The following SPATA3 variants were observed in gnomAD, a reference collection of about 807,000 sequenced individuals.
SPATA3 encodes spermatogenesis-associated protein 3.
SPATA3 carries 6 observed loss-of-function variants against 5.7 expected under a neutral mutation model. The ratio of observed to expected loss-of-function variants is 1.06; its 90% CI spans 0.58 to 2.09. SPATA3 has a LOEUF of 2.09. Among genes scored for constraint, SPATA3 ranks in the 30% most tolerant of loss-of-function variants. SPATA3 has a pLI of 0.00. For missense variants in SPATA3, 155 were observed against 130.4 expected, an observed-to-expected ratio of 1.19 and a Z score of -0.92; for synonymous variants, 44 against 48.4, an observed-to-expected ratio of 0.91 and a Z score of 0.37.
downstream of SPATA3, among the ~76,000 whole-genome samples, chr2:231,004,735 C>G (rs1009733307): frequency 2.6e-5 from 4 of 152,080 alleles, no homozygotes; most frequent in Admixed American, 6.5e-5. Flanking sequence ...TCTTCAATAC[C>G]CAGTATTTCT....
chr2:231,005,950 G>A (rs1319463166), downstream of SPATA3, among the ~76,000 whole-genome samples: 2 of 149,148 alleles, frequency 1.3e-5, no homozygotes, highest in Non-Finnish European at 3.0e-5. Flanking sequence ...GATAACTTGA[G>A]CCTGGGAGTT....
chr2:231,000,380 GC>G lies in SPATA3; in HGVS notation c.807del (p.Gly270AlafsTer?), dbSNP rs1368890600. ...TGTCCCCACAGGGCCTCTGATTCGC[GC>G]CGGCCCGCATTCCTGCTCCTGTGCC... On this transcript the variant is annotated frameshift_variant, in exon 2 of 3. Coordinates refer to ENST00000645363, the Ensembl canonical transcript of SPATA3. LOFTEE classifies it high-confidence loss of function. 1 of 1,515,090 alleles carries G rather than the reference GC, an allele frequency of 6.6e-7. No homozygotes were observed. The highest frequency in any genetic ancestry group is 2.1e-5 in the Admixed American group (1 of 47,578). 93.9% of individuals were successfully genotyped at this position (1,515,090 alleles called of 1,614,324 possible). A position where few individuals can be genotyped will look rare whatever the true frequency, so the allele number is the denominator to read the frequency against.
intron 2 of SPATA3, among the ~76,000 whole-genome samples, chr2:231,002,056 C>G (rs1265625650): frequency 6.6e-6 from 1 of 152,178 alleles, no homozygotes; most frequent in Non-Finnish European, 1.5e-5. Context: ...GAGACAGGGT[C>G]CATATCTGGC....
chr2:231,000,698 G>T (rs1283157144), intron 2 of SPATA3, among the ~76,000 whole-genome samples, 161 bp downstream of exon 2: 1 of 152,192 alleles, frequency 6.6e-6, no homozygotes, highest in Admixed American at 6.5e-5. Context: ...CTGGACGTTG[G>T]CAGGCAGGGC....
At chr2:230,998,839 G>GT (rs1199923931) in intron 1 of SPATA3, among the ~76,000 whole-genome samples, 3 of 152,194 alleles carry the variant, frequency 2.0e-5, no homozygotes, top group Admixed American at 2.0e-4. Flanking sequence ...GGAACATGAA[G>GT]TTACCTTATG....
At chr2:231,005,681 C>T (rs1474647399), downstream of SPATA3, among the ~76,000 whole-genome samples, 3 of 148,448 alleles carry the variant, frequency 2.0e-5, no homozygotes, top group African/African-American at 7.5e-5. Context: ...CTACCTCTAT[C>T]ACCAGGCCCT....
At chr2:231,017,549 GGGGGCCACCTA>G (rs1161148730) in intron 6 of SPATA3, among the ~76,000 whole-genome samples, 8 of 152,236 alleles carry the variant, frequency 5.3e-5, no homozygotes, top group African/African-American at 1.2e-4. Context: ...GAGGCCATGT[GGGGGCCACCTA>G]GGGGCCACCT....
At chr2:231,000,458 C>G (rs928029625) in exon 2 of SPATA3, 2 of 1,550,210 alleles carry the variant, frequency 1.3e-6, no homozygotes, top group Non-Finnish European at 1.7e-6. Context: ...ATGCCATAGC[C>G]GCATCTTCGA....
intron 1 of SPATA3, among the ~76,000 whole-genome samples, chr2:230,996,980 G>A (rs1437944051): frequency 6.6e-6 from 1 of 152,208 alleles, no homozygotes; most frequent in African/African-American, 2.4e-5. Context: ...CTGGGTTGAT[G>A]GAGGATGAGA....
intron 6 of SPATA3, among the ~76,000 whole-genome samples, chr2:231,016,646 C>T (rs1213144177): frequency 3.9e-5 from 6 of 152,060 alleles, no homozygotes; most frequent in Non-Finnish European, 5.9e-5. Context: ...TATCGTGCCA[C>T]TGCCCTCCAG....
chr2:231,010,987 C>G (rs558661396), downstream of SPATA3, among the ~76,000 whole-genome samples: 3 of 142,442 alleles, frequency 2.1e-5, no homozygotes, highest in East Asian at 6.3e-4. Flanking sequence ...GTGGGAGGGT[C>G]ACTTGAGCCT....
At chr2:231,003,894 TG>T (rs977030963), downstream of SPATA3, 9 of 152,184 alleles carry the variant, frequency 5.9e-5, no homozygotes, top group African/African-American at 2.4e-5. Flanking sequence ...AAGAAGACAT[TG>T]GGTGTGAGGT....
At chr2:231,000,438 G>A (rs773160792) in exon 2 of SPATA3, 45 of 1,548,882 alleles carry the variant, frequency 2.9e-5, no homozygotes, top group Middle Eastern at 1.7e-4. Context: ...TGCTGGCGTC[G>A]TCTGGGGCTA....
chr2:231,013,237 G>T (rs4973362), intron 5 of SPATA3, among the ~76,000 whole-genome samples: 66,130 of 151,774 alleles, frequency 0.44, 15,488 homozygotes, highest in African/African-American at 0.59. Context: ...TGATTTGATT[G>T]CTGTCACGAC....
At chr2:230,999,202 T>C (rs1692251654) in intron 1 of SPATA3, among the ~76,000 whole-genome samples, 1 of 152,198 alleles carries the variant, frequency 6.6e-6, no homozygotes, top group South Asian at 2.1e-4. Context: ...ATGTTCAGAA[T>C]AGGCAAATGT....
At chr2:231,014,432 CTG>C (rs1692875719) in intron 6 of SPATA3, among the ~76,000 whole-genome samples, 1 of 152,284 alleles carries the variant, frequency 6.6e-6, no homozygotes, top group East Asian at 1.9e-4. Context: ...TTCTAATAAA[CTG>C]TTTTATCTTT....
At chr2:230,997,129 C>T (rs146625462) in intron 1 of SPATA3, among the ~76,000 whole-genome samples, 16 of 152,104 alleles carry the variant, frequency 1.1e-4, no homozygotes, top group Non-Finnish European at 2.1e-4. Flanking sequence ...TGGCTGTGTC[C>T]CCACCCAAAT....
downstream of SPATA3, among the ~76,000 whole-genome samples, chr2:231,007,746 C>T (rs1269033544): frequency 6.6e-6 from 1 of 152,212 alleles, no homozygotes; most frequent in Non-Finnish European, 1.5e-5. Context: ...TGTGGCTACA[C>T]CCAGCCAGTG....
chr2:230,996,558 A>G, intron 1 of SPATA3, 24 bp downstream of exon 1: 1 of 1,548,038 alleles, frequency 6.5e-7, no homozygotes, highest in Non-Finnish European at 8.7e-7. Context: ...TAGCTTCAGC[A>G]GTTCCAGCCT....
Sources: allele counts gnomAD v4.1 joint callset (sites outside exome capture counted in the v4.1 genomes callset), GRCh38; gene constraint gnomAD v4.1.1; transcripts MANE v1.5; gene names NCBI Gene and HGNC (gene_info 2026-07-23, HGNC 2026-07-21).